USP34: variants seen among roughly 807,000 people sequenced by gnomAD.
USP34 encodes the protein ubiquitin specific peptidase 34.
A neutral mutation model predicts 460.3 loss-of-function variants in USP34; 70 were observed. That is an observed-to-expected ratio of 0.15 (90% CI 0.13 to 0.19). The LOEUF is 0.19. Among genes scored for constraint, USP34 ranks in the 10% least tolerant of loss-of-function variants. USP34 has a pLI of 1.00. For synonymous variants in USP34, 1,647 were observed against 1,405.3 expected (o/e 1.17, Z -3.85); for missense variants, 3,985 against 4,236.2 (o/e 0.94, Z 1.65).
At chr2:61,466,195 C>T (rs1225903454) in intron 1 of USP34, among the ~76,000 whole-genome samples, 4 of 152,046 alleles carry the variant, frequency 2.6e-5, no homozygotes, top group Non-Finnish European at 4.4e-5. Flanking sequence ...GAGGCCAAGG[C>T]GGGCAGATCA....
chr2:61,259,886 G>C, intron 43 of USP34, 110 bp from the exon 44 acceptor site: 1 of 934,590 alleles, frequency 1.1e-6, no homozygotes, highest in Non-Finnish European at 1.6e-6. Flanking sequence ...TCATTCTTTT[G>C]GCTATATAAA....
At position 61,339,691 on chromosome 2, in the gene USP34, A is replaced by C; in HGVS notation, c.2501-10T>G. On this transcript the variant is annotated splice_polypyrimidine_tract_variant and intron_variant, in intron 16 of 79. Coordinates refer to ENST00000398571, the MANE Select transcript of USP34 (RefSeq NM_014709.4). ...TTATGAACTACAGGTCCTGAAGAGAAAAAAAAAAAAAAGACACACTATAGA... is the reference window on the plus strand; with the variant it reads ...TTATGAACTACAGGTCCTGAAGAGACAAAAAAAAAAAAGACACACTATAGA... The C allele has an allele frequency of 1.1e-6, 1 of 921,428 alleles. No individual in the cohort carries two copies. The highest frequency in any genetic ancestry group is 1.4e-6 in the Non-Finnish European group (1 of 703,252). 57.1% of individuals were successfully genotyped at this position (921,428 alleles called of 1,614,324 possible).
At chr2:61,299,874 T>A (rs531215704) in intron 29 of USP34, among the ~76,000 whole-genome samples, 9 of 152,340 alleles carry the variant, frequency 5.9e-5, no homozygotes, top group African/African-American at 1.9e-4. Flanking sequence ...TTACCTGACA[T>A]CTCTATTTGA....
chr2:61,324,945 C>T (rs1241157336), intron 21 of USP34, among the ~76,000 whole-genome samples: 3 of 151,996 alleles, frequency 2.0e-5, no homozygotes, highest in Non-Finnish European at 4.4e-5. Flanking sequence ...TCCTTTGCAG[C>T]AACATAAATG....
chr2:61,376,925 G>A (rs1381806888), intron 8 of USP34, among the ~76,000 whole-genome samples: 3 of 152,226 alleles, frequency 2.0e-5, no homozygotes, highest in East Asian at 3.8e-4. Flanking sequence ...ATACAGGCGT[G>A]AGCCACTGTG....
intron 5 of USP34, among the ~76,000 whole-genome samples, chr2:61,386,518 C>T (rs1410726894): frequency 2.0e-5 from 3 of 152,026 alleles, no homozygotes; most frequent in Non-Finnish European, 2.9e-5. Context: ...TGGCCGGGCA[C>T]GGTGGCTCAC....
At chr2:61,301,801 T>C (rs1418060778) in intron 27 of USP34, among the ~76,000 whole-genome samples, 1 of 152,210 alleles carries the variant, frequency 6.6e-6, no homozygotes, top group Admixed American at 6.5e-5. Flanking sequence ...CTCTTTCAAG[T>C]CTCTCATCCA....
intron 75 of USP34, among the ~76,000 whole-genome samples, chr2:61,198,729 T>A (rs1686882779): frequency 6.6e-6 from 1 of 151,876 alleles, no homozygotes; most frequent in Admixed American, 6.6e-5. Context: ...ATTAGCCGGG[T>A]GTGGTGGTGG....
At chr2:61,284,584 T>A (rs953806299) in intron 35 of USP34, among the ~76,000 whole-genome samples, 1 of 152,214 alleles carries the variant, frequency 6.6e-6, no homozygotes, top group Non-Finnish European at 1.5e-5. Context: ...GAAAATCTCC[T>A]TGGTCTTAGG....
chr2:61,199,341 C>T (rs1187252860), intron 75 of USP34, among the ~76,000 whole-genome samples: 1 of 152,072 alleles, frequency 6.6e-6, no homozygotes, highest in African/African-American at 2.4e-5. Flanking sequence ...CTGCAACCTC[C>T]GCCTCCCAGG....
rs1688528196 is a variant in USP34 at position 61,249,868 on chromosome 2, TCTCA to T, written c.6222-1189_6222-1186del. On this transcript the variant is annotated intron_variant, in intron 48 of 79. Coordinates refer to ENST00000398571, the MANE Select transcript of USP34 (RefSeq NM_014709.4). The stretch of plus-strand genomic sequence containing the variant: ...GTCTGGACAGAATATCTCCAAGAGT[TCTCA>T]CTGTGACAGGATACCTCGCTCTCAG... 3 of 158,272 alleles carry T rather than the reference TCTCA, an allele frequency of 1.9e-5. No homozygotes were observed. The Admixed American group carries it at 2.0e-4, about 10-fold the overall frequency. 9.8% of individuals were successfully genotyped at this position (158,272 alleles called of 1,614,324 possible).
intron 29 of USP34, among the ~76,000 whole-genome samples, chr2:61,300,194 A>C (rs1350072291): frequency 6.6e-6 from 1 of 152,162 alleles, no homozygotes; most frequent in Non-Finnish European, 1.5e-5. Flanking sequence ...AAAATCTTTT[A>C]ATGTTGTCCA....
At chr2:61,330,322 T>C (rs1423329925) in intron 20 of USP34, among the ~76,000 whole-genome samples, 1 of 152,178 alleles carries the variant, frequency 6.6e-6, no homozygotes, top group African/African-American at 2.4e-5. Context: ...CTCATCGTCA[T>C]CATTATTCAT....
chr2:61,429,985 G>T (rs866088535), intron 1 of USP34, among the ~76,000 whole-genome samples: 1 of 152,116 alleles, frequency 6.6e-6, no homozygotes, highest in Non-Finnish European at 1.5e-5. Context: ...AGGCCGAGGC[G>T]GGTGGATCAC....
chr2:61,327,876 AAC>A (rs754735980), intron 20 of USP34, among the ~76,000 whole-genome samples: 5 of 152,216 alleles, frequency 3.3e-5, no homozygotes, highest in Non-Finnish European at 7.3e-5. Context: ...ACAGGACAAA[AAC>A]AGTCTCCCCA....
intron 1 of USP34, among the ~76,000 whole-genome samples, chr2:61,466,550 G>A (rs1357173869): frequency 6.6e-6 from 1 of 152,172 alleles, no homozygotes; most frequent in African/African-American, 2.4e-5. Context: ...TACGTTTTAT[G>A]TATTGAAACA....
Position 61,283,464 on chromosome 2 carries a change from C to T in USP34, c.4833-15G>A. The T allele has an allele frequency of 6.2e-7, 1 of 1,600,058 alleles. No individual in the cohort carries two copies. The highest frequency in any genetic ancestry group is 8.5e-7 in the Non-Finnish European group (1 of 1,174,472). ...CTTTTAAAACTCTGTAAAGTAAAAACACCACCACCACCAATTAAATTCAGC... is the reference window on the plus strand; with the variant it reads ...CTTTTAAAACTCTGTAAAGTAAAAATACCACCACCACCAATTAAATTCAGC... On this transcript the variant is annotated splice_polypyrimidine_tract_variant and intron_variant, in intron 35 of 79. Coordinates refer to ENST00000398571, the MANE Select transcript of USP34 (RefSeq NM_014709.4).
At chr2:61,268,921 C>T (rs1689134313) in intron 41 of USP34, among the ~76,000 whole-genome samples, 1 of 151,972 alleles carries the variant, frequency 6.6e-6, no homozygotes, top group Non-Finnish European at 1.5e-5. Flanking sequence ...ATTTATGCTC[C>T]TTCAATTGCC....
chr2:61,432,604 C>T (rs953270151), intron 1 of USP34, among the ~76,000 whole-genome samples: 1 of 152,086 alleles, frequency 6.6e-6, no homozygotes, highest in South Asian at 2.1e-4. Context: ...CACAGCAAGA[C>T]CCCATCTTTA....
Sources: gnomAD v4.1 joint callset for allele counts (sites outside exome capture counted in the v4.1 genomes callset) on GRCh38, gnomAD v4.1.1 for gene constraint, MANE v1.5 for transcripts, NCBI Gene and HGNC (gene_info 2026-07-23, HGNC 2026-07-21) for gene names.